TRPM3: variants seen among roughly 807,000 people sequenced by gnomAD.
TRPM3 encodes the protein transient receptor potential cation channel subfamily M member 3, also known as long transient receptor potential channel 3.
A neutral mutation model predicts 181.2 loss-of-function variants in TRPM3; 77 were observed. The observed-to-expected ratio is 0.42, with a 90% CI of 0.35 to 0.51. The LOEUF is 0.51. Among genes scored for constraint, TRPM3 ranks in the 20% least tolerant of loss-of-function variants. The pLI, the probability that TRPM3 is intolerant of heterozygous loss-of-function variation, is 0.01. For synonymous variants in TRPM3, 745 were observed against 796.4 expected (o/e 0.94, Z 1.09); for missense variants, 1,759 against 2,196.7 (o/e 0.80, Z 3.98).
Position 71,261,578 on chromosome 9 carries a change from A to G in TRPM3, c.183+185075T>C, listed in dbSNP as rs58245214. The stretch of plus-strand genomic sequence containing the variant: ...GAGGAGTTGTGATCCTTTGGAGAAG[A>G]AGCATTCTGGTTTTTGGAATGTTCA... On this transcript the variant is annotated intron_variant, in intron 1 of 24. Coordinates refer to the TRPM3 transcript ENST00000357533. Among the ~76,000 whole-genome samples, 1,015 of 152,146 alleles carry G rather than the reference A, an allele frequency of 6.7e-3. 16 individuals carry two copies. Among genetic ancestry groups the G allele is most frequent in the African/African-American group, 0.023 (965 of 41,486 alleles).
chr9:71,159,163 A>G (rs902602819), intron 1 of TRPM3, among the ~76,000 whole-genome samples: 2 of 151,026 alleles, frequency 1.3e-5, no homozygotes, highest in African/African-American at 2.4e-5. Context: ...CATGTATCCA[A>G]TTGGTTTTAC....
intron 1 of TRPM3, among the ~76,000 whole-genome samples, chr9:71,028,518 C>G (rs899093502): frequency 6.3e-4 from 96 of 151,400 alleles, no homozygotes; most frequent in Non-Finnish European, 1.3e-3. Flanking sequence ...CACAGAGCAG[C>G]AAGTTACATA....
intron 1 of TRPM3, among the ~76,000 whole-genome samples, chr9:71,034,344 T>C (rs1268178881): frequency 6.6e-6 from 1 of 152,146 alleles, no homozygotes; most frequent in African/African-American, 2.4e-5. Context: ...TTTCTTTAAA[T>C]TGAGCTTATT....
intron 1 of TRPM3, among the ~76,000 whole-genome samples, chr9:71,036,320 C>A (rs1007571217): frequency 6.6e-6 from 1 of 152,178 alleles, no homozygotes. Flanking sequence ...AATTAGGATG[C>A]ATGCAGCATG....
chr9:71,014,952 C>T (rs596348), intron 1 of TRPM3, among the ~76,000 whole-genome samples: 151,919 of 152,326 alleles, frequency 1, 75,756 homozygotes, highest in Middle Eastern at 1. Flanking sequence ...TCTTTTCTTT[C>T]ACTTCTTTTG....
At chr9:71,368,669 T>C (rs1307300605) in intron 1 of TRPM3, among the ~76,000 whole-genome samples, 1 of 152,246 alleles carries the variant, frequency 6.6e-6, no homozygotes, top group Non-Finnish European at 1.5e-5. Context: ...GATTTACTAG[T>C]CTGAAATGTT....
At position 70,536,391 on chromosome 9, in the gene TRPM3, A is replaced by C; in HGVS notation, c.4722T>G (p.Ile1574Met). ...DTRCVNAPQA[I>M]ADRAAFPGGL... ...CTCCAGGGAAGGCAGCTCTGTCCGC[A>C]ATTGCTTGAGGGGCATTGACACACC... Residue 1574 changes from isoleucine (I) to methionine (M), a missense_variant, in exon 26 of 26, where the codon ATT (isoleucine) becomes ATG (methionine). Ile to Met is a conservative substitution (Grantham distance 10, BLOSUM62 1). Coordinates refer to ENST00000677713, the MANE Select transcript of TRPM3 (RefSeq NM_001366145.2). 1.9e-6 allele frequency: 3 copies of C among 1,614,052 alleles called. No homozygotes were observed. Among genetic ancestry groups the C allele is most frequent in the Non-Finnish European group, 2.5e-6 (3 of 1,180,014 alleles).
intron 1 of TRPM3, among the ~76,000 whole-genome samples, chr9:71,264,004 G>C (rs974855022): frequency 3.9e-5 from 6 of 152,022 alleles, no homozygotes; most frequent in Admixed American, 2.0e-4. Flanking sequence ...GGCTGGTCTC[G>C]AATTCCTGGG....
In TRPM3 at chr9:70,837,770, C is replaced by T. The variant is rs545946555; in HGVS notation, c.801+5233G>A. Among the ~76,000 whole-genome samples the T allele has an allele frequency of 3.3e-5, 5 of 152,268 alleles. No individual in the cohort carries two copies. The East Asian group carries it at 9.7e-4, about 29-fold the overall frequency. On this transcript the variant is annotated intron_variant, in intron 5 of 25. Coordinates refer to ENST00000677713, the MANE Select transcript of TRPM3 (RefSeq NM_001366145.2). ...GATTCTCTAGGGACAAAGAAAGGGG[C>T]TCCGGTCATGCATCGAGTCTGTCTC...
intron 1 of TRPM3, among the ~76,000 whole-genome samples, chr9:71,044,068 T>C (rs1367424977): frequency 6.6e-6 from 1 of 152,216 alleles, no homozygotes; most frequent in Non-Finnish European, 1.5e-5. Context: ...GGCTTTTCCA[T>C]AATTAAATCT....
At chr9:70,884,681 G>A (rs1306743958) in intron 1 of TRPM3, among the ~76,000 whole-genome samples, 2 of 152,102 alleles carry the variant, frequency 1.3e-5, no homozygotes, top group Non-Finnish European at 2.9e-5. Context: ...AATGTGTTTG[G>A]TTCATGTTCC....
intron 1 of TRPM3, among the ~76,000 whole-genome samples, chr9:70,875,176 C>T (rs557014755): frequency 1.1e-4 from 17 of 151,906 alleles, no homozygotes; most frequent in African/African-American, 3.6e-4. Flanking sequence ...GCATCCTAGC[C>T]GTGATTTGCT....
chr9:71,331,834 G>A (rs1212753877), intron 1 of TRPM3, among the ~76,000 whole-genome samples: 1 of 115,056 alleles, frequency 8.7e-6, no homozygotes, highest in African/African-American at 4.6e-5. Context: ...AGGAAGAGGA[G>A]AGGGAGGAGG....
At chr9:70,656,285 G>A (rs1374160634) in intron 9 of TRPM3, among the ~76,000 whole-genome samples, 1 of 152,184 alleles carries the variant, frequency 6.6e-6, no homozygotes, top group East Asian at 1.9e-4. Flanking sequence ...CTTTGTTTAT[G>A]TAATGTTTAA....
chr9:70,831,361 T>C lies in TRPM3; in HGVS notation c.802-3343A>G, dbSNP rs185678688. ...AAATTTTGGAAGTAATGAAGCCATT[T>C]TCATTGTTAAGAGATTGTAAAATAG... is the stretch of plus-strand genomic sequence containing the variant. On this transcript the variant is annotated intron_variant, in intron 5 of 25. Coordinates refer to ENST00000677713, the MANE Select transcript of TRPM3 (RefSeq NM_001366145.2). Among the ~76,000 whole-genome samples the C allele has an allele frequency of 6.6e-5, 10 of 151,904 alleles. No homozygotes were observed. The East Asian group carries it at 1.9e-3, about 29-fold the overall frequency.
At position 71,390,875 on chromosome 9, in the gene TRPM3, G is replaced by T. The variant is rs140817048; in HGVS notation, c.183+55778C>A. Among the ~76,000 whole-genome samples, 102 of 152,054 alleles carry T rather than the reference G, an allele frequency of 6.7e-4. 2 individuals carry two copies. The Middle Eastern group carries it at 0.01, about 15-fold the overall frequency. On this transcript the variant is annotated intron_variant, in intron 1 of 24. Transcript: ENST00000357533. ...GTGCTGCAAAGAAGAAAGAAGTACA[G>T]GGTATGGAGAAATGGGCCCTAGTGA...
intron 1 of TRPM3, among the ~76,000 whole-genome samples, chr9:71,164,871 C>A (rs2076459970): frequency 6.6e-6 from 1 of 152,168 alleles, no homozygotes; most frequent in Admixed American, 6.6e-5. Flanking sequence ...GTGCTCAATT[C>A]ATTCATAAGT....
intron 1 of TRPM3, among the ~76,000 whole-genome samples, chr9:71,147,407 C>A (rs955410881): frequency 4.1e-5 from 5 of 122,360 alleles, no homozygotes; most frequent in Admixed American, 3.4e-4. Flanking sequence ...CATCTGCCCT[C>A]TTGCCTGCAA....
chr9:71,352,846 T>C (rs982497354), intron 1 of TRPM3, among the ~76,000 whole-genome samples: 1 of 152,082 alleles, frequency 6.6e-6, no homozygotes, highest in Non-Finnish European at 1.5e-5. Context: ...AGGTGTAACC[T>C]TTCATATTTA....
Sources: gnomAD v4.1 joint callset for allele counts (sites outside exome capture counted in the v4.1 genomes callset) on GRCh38, gnomAD v4.1.1 for gene constraint, MANE v1.5 for transcripts, NCBI Gene and HGNC (gene_info 2026-07-23, HGNC 2026-07-21) for gene names.